Variants in COL25A1 observed in about 807,000 individuals in gnomAD.
COL25A1 encodes the protein collagen alpha-1(XXV) chain.
In COL25A1, 103 loss-of-function variants were observed where a neutral mutation model predicts 128.4. That is an observed-to-expected ratio of 0.80 (90% CI 0.68 to 0.94). COL25A1 has a LOEUF of 0.94. COL25A1 is among the 40% of genes least tolerant of loss of function. COL25A1 has a pLI of 0.00. For missense variants in COL25A1, 745 were observed against 840.0 expected, an observed-to-expected ratio of 0.89 and a Z score of 1.40; for synonymous variants, 279 against 277.2, an observed-to-expected ratio of 1.01 and a Z score of -0.06.
chr4:109,111,320 T>C (rs1039991802), intron 3 of COL25A1, among the ~76,000 whole-genome samples: 1 of 152,188 alleles, frequency 6.6e-6, no homozygotes, highest in Non-Finnish European at 1.5e-5. Flanking sequence ...CATTTCTCAG[T>C]TGTTCTTAGC....
chr4:109,134,310 AG>A (rs767747652), intron 3 of COL25A1, among the ~76,000 whole-genome samples: 1 of 152,100 alleles, frequency 6.6e-6, no homozygotes, highest in Non-Finnish European at 1.5e-5. Flanking sequence ...ATTAGACAGA[AG>A]GTGGAATGGT....
chr4:108,903,090 C>A (rs150526156), intron 13 of COL25A1, among the ~76,000 whole-genome samples: 2 of 151,810 alleles, frequency 1.3e-5, no homozygotes, highest in Admixed American at 1.3e-4. Flanking sequence ...CCCCTGGAAC[C>A]GGACAAAATT....
intron 18 of COL25A1, among the ~76,000 whole-genome samples, chr4:108,887,489 G>C (rs901140531): frequency 3.3e-5 from 5 of 152,192 alleles, no homozygotes; most frequent in African/African-American, 7.2e-5. Flanking sequence ...TTGTGGGAAA[G>C]TGGGATTGTA....
intron 3 of COL25A1, among the ~76,000 whole-genome samples, chr4:109,107,355 T>C (rs1299084304): frequency 6.6e-6 from 1 of 152,200 alleles, no homozygotes; most frequent in Non-Finnish European, 1.5e-5. Context: ...TTACAGATTT[T>C]ATTTTTCCTA....
chr4:109,013,074 C>A (rs1756810105), intron 5 of COL25A1, among the ~76,000 whole-genome samples: 1 of 151,986 alleles, frequency 6.6e-6, no homozygotes, highest in Non-Finnish European at 1.5e-5. Flanking sequence ...GGGACTTGAA[C>A]TTTTACGTCT....
intron 3 of COL25A1, among the ~76,000 whole-genome samples, chr4:109,227,522 T>C (rs376599616): frequency 3.3e-5 from 5 of 152,240 alleles, no homozygotes; most frequent in African/African-American, 1.2e-4. Flanking sequence ...ATTTTGTAAC[T>C]ATAAACTGTC....
intron 3 of COL25A1, among the ~76,000 whole-genome samples, chr4:109,230,221 G>T (rs2126219529): frequency 1.3e-5 from 2 of 152,234 alleles, no homozygotes; most frequent in South Asian, 4.1e-4. Context: ...GTAAATTTTT[G>T]CAAGTAGGTG....
At chr4:109,054,536 A>T (rs561098501) in intron 3 of COL25A1, among the ~76,000 whole-genome samples, 1 of 152,334 alleles carries the variant, frequency 6.6e-6, no homozygotes, top group South Asian at 2.1e-4. Context: ...CTTTTTAAAC[A>T]TAGTAAGAAT....
In COL25A1 at chr4:109,137,984, ATG is replaced by A. The variant is rs10700157; in HGVS notation, c.368-87807_368-87806del. Among the ~76,000 whole-genome samples, 274 of 142,486 alleles carry A rather than the reference ATG, an allele frequency of 1.9e-3. 1 individual carries two copies. The highest frequency in any genetic ancestry group is 5.3e-3 in the African/African-American group (207 of 39,136). The allele number at this position is 142,486 out of a possible 152,430, so 93.5% of individuals were successfully genotyped here. On this transcript the variant is annotated intron_variant, in intron 3 of 37. Transcript: ENST00000399132. ...AACAGAAATTTCATTTTATATATAT[ATG>A]TGTGTGTGTGTGTGTGTGTGTGTGT...
At chr4:109,096,503 C>CTA (rs1423370664) in intron 3 of COL25A1, among the ~76,000 whole-genome samples, 2 of 152,180 alleles carry the variant, frequency 1.3e-5, no homozygotes, top group African/African-American at 4.8e-5. Flanking sequence ...GAGCAACAGG[C>CTA]TATACCACAT....
Position 109,218,357 on chromosome 4 carries a change from G to GTTTTTTTTTTGTTTGTTTTTTTTTTTTTT in COL25A1, c.367+82225_367+82226insAAAAAAAAAAAAAACAAACAAAAAAAAAA, listed in dbSNP as rs1553961829. ...CAGAATCAATTGCTGGTTTTTTGGG[G>GTTTTTTTTTTGTTTGTTTTTTTTTTTTTT]TTTTTTTTTTTTTTTTTTTTTTTTT... On this transcript the variant is annotated intron_variant, in intron 3 of 37. Transcript: ENST00000399132. Among the ~76,000 whole-genome samples, 46 of 73,552 alleles carry GTTTTTTTTTTGTTTGTTTTTTTTTTTTTT rather than the reference G, an allele frequency of 6.3e-4. 1 individual carries two copies. Among genetic ancestry groups the GTTTTTTTTTTGTTTGTTTTTTTTTTTTTT allele is most frequent in the Non-Finnish European group, 8.4e-4 (36 of 42,918 alleles). 48.3% of individuals were successfully genotyped at this position (73,552 alleles called of 152,430 possible).
At chr4:108,979,012 C>T (rs376295182) in intron 6 of COL25A1, among the ~76,000 whole-genome samples, 34 of 152,050 alleles carry the variant, frequency 2.2e-4, no homozygotes, top group African/African-American at 7.5e-4. Flanking sequence ...CTTAAGGGTG[C>T]TAATAAAGTT....
At chr4:108,924,108 G>C (rs1019737359) in intron 11 of COL25A1, among the ~76,000 whole-genome samples, 1 of 151,984 alleles carries the variant, frequency 6.6e-6, no homozygotes, top group Non-Finnish European at 1.5e-5. Context: ...TTTAAATACA[G>C]GTTCTGGGTG....
intron 6 of COL25A1, among the ~76,000 whole-genome samples, chr4:108,978,614 CT>C (rs1210938510): frequency 5.3e-5 from 8 of 152,216 alleles, no homozygotes; most frequent in Non-Finnish European, 1.2e-4. Context: ...AAATTAATGG[CT>C]ATTTGAATTA....
chr4:109,253,226 T>TA (rs1158906055), intron 3 of COL25A1, among the ~76,000 whole-genome samples: 3 of 152,184 alleles, frequency 2.0e-5, no homozygotes, highest in African/African-American at 7.2e-5. Flanking sequence ...TAAGGAGATT[T>TA]ATGATAAGGA....
rs78573966 is a variant in COL25A1, at chr4:109,263,944, C to T, written c.367+36639G>A. 8.3e-3 allele frequency among the ~76,000 whole-genome samples: 1,261 copies of T among 152,236 alleles called. 27 individuals are homozygous for T. Among genetic ancestry groups the T allele is most frequent in the African/African-American group, 0.029 (1,196 of 41,524 alleles). On this transcript the variant is annotated intron_variant, in intron 3 of 37. Transcript: ENST00000399132. ...GAAACCATGAGAAGCTCTTGGCATA[C>T]GATGGTGAGCAAGACAGTCGCTTCA...
At chr4:109,029,130 T>C (rs957552165) in intron 5 of COL25A1, among the ~76,000 whole-genome samples, 2 of 152,198 alleles carry the variant, frequency 1.3e-5, no homozygotes, top group African/African-American at 4.8e-5. Flanking sequence ...GTCAAGGAAG[T>C]TTCATTTTGA....
At chr4:108,843,460 C>T (rs950972139) in intron 30 of COL25A1, among the ~76,000 whole-genome samples, 6 of 151,956 alleles carry the variant, frequency 3.9e-5, no homozygotes, top group Admixed American at 2.6e-4. Flanking sequence ...CAGTCAAAAG[C>T]ATTTGAAGCA....
chr4:108,959,967 T>A (rs1345611218), intron 8 of COL25A1, among the ~76,000 whole-genome samples: 2 of 152,162 alleles, frequency 1.3e-5, no homozygotes, highest in Non-Finnish European at 2.9e-5. Context: ...AATTTTTGAA[T>A]AATTGCAAAT....
Sources: gnomAD v4.1 joint callset for allele counts (sites outside exome capture counted in the v4.1 genomes callset) on GRCh38, gnomAD v4.1.1 for gene constraint, MANE v1.5 for transcripts, NCBI Gene and HGNC (gene_info 2026-07-23, HGNC 2026-07-21) for gene names.